The following MTERF4 variants were observed in gnomAD, a reference collection of about 807,000 sequenced individuals.
MTERF4 encodes the protein mitochondrial transcription termination factor 4.
A neutral mutation model predicts 22.5 loss-of-function variants in MTERF4; 17 were observed. The ratio of observed to expected loss-of-function variants is 0.75; its 90% CI spans 0.52 to 1.13. MTERF4 has a LOEUF of 1.13. Ranked by LOEUF, MTERF4 falls within the 50% of genes most tolerant of loss-of-function variation. The pLI is 0.00. For synonymous variants in MTERF4, 165 were observed against 175.3 expected, an observed-to-expected ratio of 0.94 and a Z score of 0.47; for missense variants, 420 against 466.8, an observed-to-expected ratio of 0.90 and a Z score of 0.92.
Position 241,095,606 on chromosome 2 carries a change from G to A in MTERF4, c.*392C>T, listed in dbSNP as rs117728841. The A allele has an allele frequency of 1.4e-3, 260 of 192,572 alleles. 6 individuals are homozygous for A. The East Asian group carries it at 0.03, about 22-fold the overall frequency. The allele number at this position is 192,572 out of a possible 1,614,324, so 11.9% of individuals were successfully genotyped here. Reference sequence around the variant, plus strand: ...GTAATTTTATTTTTATCACAAGAAGGAAATACATAGTGATTCCTGAACCGG... The same window carrying A: ...GTAATTTTATTTTTATCACAAGAAGAAAATACATAGTGATTCCTGAACCGG... On this transcript the variant is annotated 3_prime_UTR_variant, in exon 4 of 4. Transcript: ENST00000391980.
chr2:241,069,062 G>A (rs768173462), downstream of MTERF4: 68 of 1,393,030 alleles, frequency 4.9e-5, 3 homozygotes, highest in South Asian at 5.3e-4. The surrounding 1 kb of genome is among the most constrained non-coding windows in gnomAD (Gnocchi z 4.9). Flanking sequence ...ACGAAAGGCC[G>A]TCTTCTAGAA....
In MTERF4 at chr2:241,073,028, C is replaced by T; in HGVS notation, n.3134G>A. On this transcript the variant is annotated non_coding_transcript_exon_variant, in exon 5 of 5. Coordinates refer to the MTERF4 transcript ENST00000464344. The surrounding 1 kb of genome is among the most constrained non-coding windows in gnomAD (Gnocchi z 6.6). ...AGTGGTGGCTGTCCCTGAAGCAGCT[C>T]TGAGGGGGCCCTGCAAGGGGAAGGC... 3.8e-6 allele frequency: 2 copies of T among 530,984 alleles called. No homozygotes were observed. Among genetic ancestry groups the T allele is most frequent in the Non-Finnish European group, 6.7e-6 (2 of 298,506 alleles). The allele number at this position is 530,984 out of a possible 1,614,324, so 32.9% of individuals were successfully genotyped here.
chr2:241,095,678 A>C lies in MTERF4; in HGVS notation c.*320T>G. The C allele has an allele frequency of 3.3e-6, 1 of 304,770 alleles. No homozygotes were observed. The highest frequency in any genetic ancestry group is 8.4e-5 in the South Asian group (1 of 11,946). 18.9% of individuals were successfully genotyped at this position (304,770 alleles called of 1,614,324 possible). ...ACTGTCACGGAATTATCACCAACAT[A>C]TTCAAAAGAGAAAAAAATAAAACCA... is the stretch of plus-strand genomic sequence containing the variant. On this transcript the variant is annotated 3_prime_UTR_variant, in exon 4 of 4. Transcript: ENST00000391980.
Position 241,096,077 on chromosome 2 carries a change from T to C in MTERF4, c.1067A>G (p.Asn356Ser), listed in dbSNP as rs757153832. The C allele has an allele frequency of 1.2e-5, 19 of 1,603,008 alleles. No individual in the cohort carries two copies. The South Asian group carries it at 1.8e-4, about 15-fold the overall frequency. The change falls in exon 4 of 4, where the codon AAT (asparagine) becomes AGT (serine). Residue 356 changes from asparagine to serine, a missense_variant. Coordinates refer to ENST00000391980, the MANE Select transcript of MTERF4 (RefSeq NM_182501.4). The surrounding 1 kb of genome is among the most constrained non-coding windows in gnomAD (Gnocchi z 5.1). ...DDEEDNDEDD[N>S]DEDDDDEDDD... ...GTCCTCATCATCGTCATCCTCATCA[T>C]TGTCATCCTCATCATTGTCCTCCTC... is the stretch of plus-strand genomic sequence containing the variant.
At chr2:241,052,588 G>A in the MTERF4 span, 21 of 800,020 alleles carry the variant, frequency 2.6e-5, no homozygotes, top group Admixed American at 3.9e-4. Context: ...AGGGCCAGGG[G>A]GCCAAGCAGG....
the MTERF4 span, chr2:241,063,745 C>T: frequency 7.3e-7 from 1 of 1,362,686 alleles, no homozygotes; most frequent in Non-Finnish European, 1.0e-6. Context: ...GCCTGGGCCT[C>T]TGGAAGATCA....
At chr2:241,057,380 A>AATAAATATATATATATATAT in the MTERF4 span, among the ~76,000 whole-genome samples, 1 of 118,114 alleles carries the variant, frequency 8.5e-6, no homozygotes, top group East Asian at 2.9e-4. Context: ...TCCATCTCAA[A>AATAAATATATATATATATAT]ATATATATAT....
intron 4 of MTERF4, chr2:241,081,581 C>G: frequency 1.2e-6 from 1 of 831,680 alleles, no homozygotes; most frequent in South Asian, 1.5e-5. Flanking sequence ...CACGGCCACC[C>G]TGCATCAGGT....
the MTERF4 span, among the ~76,000 whole-genome samples, chr2:241,058,347 A>G: frequency 6.6e-6 from 1 of 152,206 alleles, no homozygotes; most frequent in East Asian, 1.9e-4. Context: ...GAAAATTTCA[A>G]ACTTGATTAA....
the MTERF4 span, chr2:241,053,262 C>G: frequency 6.2e-7 from 1 of 1,602,528 alleles, no homozygotes; most frequent in Non-Finnish European, 8.5e-7. Context: ...ACAGCCTGAG[C>G]GCCCCCAGCC....
the MTERF4 span, chr2:241,048,897 T>C: frequency 8.5e-7 from 1 of 1,180,942 alleles, no homozygotes; most frequent in Non-Finnish European, 1.2e-6. Flanking sequence ...CAGGAGGGAC[T>C]GGCCACAAGA....
At chr2:241,097,042 C>T in intron 3 of MTERF4, 1 of 621,204 alleles carries the variant, frequency 1.6e-6, no homozygotes, top group Non-Finnish European at 2.8e-6. Flanking sequence ...AGAATCTAGT[C>T]TTTCACTTCC....
chr2:241,057,781 CA>C, the MTERF4 span, among the ~76,000 whole-genome samples: 1 of 152,058 alleles, frequency 6.6e-6, no homozygotes, highest in Non-Finnish European at 1.5e-5. Flanking sequence ...TATTCTCATA[CA>C]AACACAGCTT....
chr2:241,064,953 C>G, the MTERF4 span: 2 of 1,579,920 alleles, frequency 1.3e-6, no homozygotes, highest in Admixed American at 3.8e-5. The surrounding 1 kb of genome is among the most constrained non-coding windows in gnomAD (Gnocchi z 7.0). Context: ...AGGACTGCGC[C>G]AAAGGTGGGT....
chr2:241,069,136 C>A (rs2062593551), downstream of MTERF4: 1 of 676,902 alleles, frequency 1.5e-6, no homozygotes, highest in Non-Finnish European at 2.4e-6. This position sits in a 1 kb window ranked among gnomAD's most constrained non-coding sequence, Gnocchi z 4.9. Flanking sequence ...AGAAACCCAG[C>A]CCCTGGCCTC....
the MTERF4 span, chr2:241,065,523 G>A: frequency 4.0e-5 from 65 of 1,612,964 alleles, no homozygotes; most frequent in Middle Eastern, 3.3e-4. Context: ...CAACATCTCC[G>A]TCTTCTCAGT....
the MTERF4 span, among the ~76,000 whole-genome samples, chr2:241,043,489 C>T: frequency 1.4e-4 from 22 of 151,852 alleles, no homozygotes; most frequent in Middle Eastern, 0.024. Flanking sequence ...ACCAGCATAC[C>T]TGCATTACAA....
downstream of MTERF4, chr2:241,069,045 C>T (rs1443945820): frequency 1.3e-6 from 2 of 1,505,120 alleles, no homozygotes; most frequent in East Asian, 4.9e-5. This position sits in a 1 kb window ranked among gnomAD's most constrained non-coding sequence, Gnocchi z 4.9. Flanking sequence ...AGCGCGGCCC[C>T]CGGCACACGA....
chr2:241,089,069 C>G (rs2063741308), downstream of MTERF4: 5 of 429,696 alleles, frequency 1.2e-5, no homozygotes, highest in African/African-American at 2.1e-5. Flanking sequence ...ATCCTGCCCC[C>G]ACCTCCCCAC....
Sources: allele counts gnomAD v4.1 joint callset (sites outside exome capture counted in the v4.1 genomes callset), GRCh38; gene constraint gnomAD v4.1.1; non-coding constraint Gnocchi (gnomAD v3.1); transcripts MANE v1.5; gene names NCBI Gene and HGNC (gene_info 2026-07-23, HGNC 2026-07-21).